The following LRP1B variants were observed in gnomAD, a reference collection of about 807,000 sequenced individuals.
LRP1B encodes low-density lipoprotein receptor-related protein 1B.
LRP1B carries 217 observed loss-of-function variants against 556.6 expected under a neutral mutation model. The ratio of observed to expected loss-of-function variants is 0.39; its 90% CI spans 0.35 to 0.44. LRP1B has a LOEUF of 0.44. Among genes scored for constraint, LRP1B ranks in the 20% least tolerant of loss-of-function variants. The probability of loss-of-function intolerance (pLI) is 1.00; values close to 1 mark genes in which losing one functional copy is unlikely to be tolerated. For synonymous variants in LRP1B, 2,047 were observed against 1,865.8 expected, an observed-to-expected ratio of 1.10 and a Z score of -2.50; for missense variants, 5,053 against 5,620.8, an observed-to-expected ratio of 0.90 and a Z score of 3.23.
At chr2:140,567,089 G>T (rs1574087084) in intron 43 of LRP1B, among the ~76,000 whole-genome samples, 1 of 152,054 alleles carries the variant, frequency 6.6e-6, no homozygotes, top group Non-Finnish European at 1.5e-5. Context: ...AAATGGCTAG[G>T]CTGAGACACC....
At chr2:140,968,417 C>G (rs934590227) in intron 18 of LRP1B, among the ~76,000 whole-genome samples, 5 of 150,870 alleles carry the variant, frequency 3.3e-5, no homozygotes, top group African/African-American at 9.8e-5. Context: ...TGATTCTTCT[C>G]TCTTTTCTTA....
chr2:141,513,631 A>G (rs1158290540), intron 2 of LRP1B, among the ~76,000 whole-genome samples: 1 of 152,152 alleles, frequency 6.6e-6, no homozygotes, highest in Non-Finnish European at 1.5e-5. Context: ...GTAGGTAATT[A>G]AAGAAGTAGA....
chr2:140,358,204 A>T (rs2105136046), intron 73 of LRP1B, 88 bp from the exon 74 acceptor site: 2 of 1,212,654 alleles, frequency 1.6e-6, no homozygotes, highest in East Asian at 4.7e-5. Flanking sequence ...TTTACTAACT[A>T]CTATGAAAAA....
chr2:140,485,563 C>T lies in LRP1B; in HGVS notation c.9244-39G>A, dbSNP rs188416264. On this transcript the variant is annotated intron_variant, in intron 58 of 90. Coordinates refer to ENST00000389484, the MANE Select transcript of LRP1B (RefSeq NM_018557.3). ...ATTTAAAAGGTTAACAGCGTAAATC[C>T]CTAAAATAAGAAGTGAGCAATTGCT... 258 of 1,486,400 alleles carry T rather than the reference C, an allele frequency of 1.7e-4. 1 individual carries two copies. The African/African-American group carries it at 3.2e-3, about 19-fold the overall frequency. The allele number at this position is 1,486,400 out of a possible 1,614,324, so 92.1% of individuals were successfully genotyped here. A position where few individuals can be genotyped will look rare whatever the true frequency, so the allele number is the denominator to read the frequency against.
chr2:140,988,299 G>T (rs946802652), intron 17 of LRP1B, among the ~76,000 whole-genome samples: 1 of 151,910 alleles, frequency 6.6e-6, no homozygotes, highest in Non-Finnish European at 1.5e-5. Context: ...AAAGTCTTTT[G>T]TAAAACAAAA....
chr2:141,704,450 C>T (rs1322371658), intron 2 of LRP1B, among the ~76,000 whole-genome samples: 1 of 151,888 alleles, frequency 6.6e-6, no homozygotes, highest in Non-Finnish European at 1.5e-5. Flanking sequence ...TTCAACGTAA[C>T]ATATAAAACC....
At chr2:140,511,401 ACGCCATTCT>A (rs1287465343) in intron 51 of LRP1B, among the ~76,000 whole-genome samples, 7 of 140,104 alleles carry the variant, frequency 5.0e-5, no homozygotes, top group Admixed American at 1.6e-4. Flanking sequence ...TCCCGGGTTC[ACGCCATTCT>A]CCCGCCTCAG....
chr2:140,742,531 C>A (rs955411665), intron 35 of LRP1B, among the ~76,000 whole-genome samples: 7 of 152,088 alleles, frequency 4.6e-5, no homozygotes, highest in Non-Finnish European at 8.8e-5. Context: ...TCAACTGCTA[C>A]ATTTATTATG....
At chr2:141,927,067 T>C (rs1700354125) in intron 1 of LRP1B, among the ~76,000 whole-genome samples, 3 of 152,116 alleles carry the variant, frequency 2.0e-5, no homozygotes, top group African/African-American at 7.2e-5. Context: ...ATAAACCTCT[T>C]AAAGGTAAGG....
chr2:140,981,345 T>C (rs1434323333), intron 18 of LRP1B, among the ~76,000 whole-genome samples: 2 of 152,148 alleles, frequency 1.3e-5, no homozygotes, highest in Non-Finnish European at 2.9e-5. Context: ...TGTATACTTA[T>C]TGTATTATAT....
chr2:140,372,931 C>G lies in LRP1B; in HGVS notation c.10768+77G>C, dbSNP rs570477823. ...CATATGACATATTTGCCACTGTTTT[C>G]TGCATATTGCTGCTTAAATTTAAAT... On this transcript the variant is annotated intron_variant, in intron 69 of 90. Coordinates refer to ENST00000389484, the MANE Select transcript of LRP1B (RefSeq NM_018557.3). The G allele has an allele frequency of 4.4e-4, 660 of 1,487,568 alleles. 5 individuals carry two copies. In the South Asian group the frequency reaches 7.0e-3, roughly 16 times the overall value. The allele number at this position is 1,487,568 out of a possible 1,614,324, so 92.1% of individuals were successfully genotyped here.
At chr2:141,185,273 G>T (rs1006471618) in intron 7 of LRP1B, among the ~76,000 whole-genome samples, 1 of 152,038 alleles carries the variant, frequency 6.6e-6, no homozygotes, top group Non-Finnish European at 1.5e-5. Flanking sequence ...GCCAGGATTT[G>T]ATCTCAGTAA....
chr2:140,769,218 T>A lies in LRP1B; in HGVS notation c.5753A>T (p.His1918Leu). 6.2e-7 allele frequency: 1 copy of A among 1,611,454 alleles called. No individual in the cohort carries two copies. Among genetic ancestry groups the A allele is most frequent in the Non-Finnish European group, 8.5e-7 (1 of 1,178,260 alleles). The part of the protein sequence containing the change: ...GTSFAVGIDF[H>L]AENDTIYWTD... The stretch of plus-strand genomic sequence containing the variant: ...ATGACTAAAAAGCTATTTACCTGCA[T>A]GGAAATCTATTCCCACGGCAAATGA... Residue 1918 changes from histidine to leucine, a missense_variant, in exon 35 of 91, where the codon CAT (histidine) becomes CTT (leucine). Physicochemically the swap from His to Leu is moderately conservative, Grantham distance 99. This residue lies in a region of LRP1B where 3,619 missense variants were observed against 3,931.9 expected (regional missense o/e 0.92). Coordinates refer to ENST00000389484, the MANE Select transcript of LRP1B (RefSeq NM_018557.3).
chr2:140,885,073 T>C (rs1444635063), intron 24 of LRP1B, among the ~76,000 whole-genome samples: 3 of 152,206 alleles, frequency 2.0e-5, no homozygotes, highest in Non-Finnish European at 2.9e-5. Flanking sequence ...GTTTGTAACA[T>C]TGCTACCACA....
At position 142,023,095 on chromosome 2, in the gene LRP1B, G is replaced by C. The variant is rs183051998; in HGVS notation, c.82+107553C>G. ...TATCTGAAGAATTATATCTGAATCAGTTGGGAATTGACTCTTGTTCTATAC... is the reference window on the plus strand; with the variant it reads ...TATCTGAAGAATTATATCTGAATCACTTGGGAATTGACTCTTGTTCTATAC... On this transcript the variant is annotated intron_variant, in intron 1 of 90. Transcript: ENST00000389484. Among the ~76,000 whole-genome samples, 8 of 152,298 alleles carry C rather than the reference G, an allele frequency of 5.3e-5. No homozygotes were observed. The East Asian group carries it at 1.4e-3, about 26-fold the overall frequency.
At chr2:140,240,032 A>G (rs1473912730) in intron 87 of LRP1B, among the ~76,000 whole-genome samples, 1 of 150,830 alleles carries the variant, frequency 6.6e-6, no homozygotes, top group East Asian at 2.0e-4. Flanking sequence ...ATTTGGATGG[A>G]ATCTTGGTGT....
At chr2:140,954,828 CTTG>C (rs1377647698) in intron 18 of LRP1B, among the ~76,000 whole-genome samples, 1 of 151,868 alleles carries the variant, frequency 6.6e-6, no homozygotes, top group Admixed American at 6.6e-5. Flanking sequence ...CATCATGTCT[CTTG>C]TTGTTAACCT....
At chr2:141,675,623 T>C (rs1690846088) in intron 2 of LRP1B, among the ~76,000 whole-genome samples, 1 of 151,576 alleles carries the variant, frequency 6.6e-6, no homozygotes, top group Non-Finnish European at 1.5e-5. Context: ...ACTTAAAAAT[T>C]CCTGACTCAT....
intron 31 of LRP1B, among the ~76,000 whole-genome samples, chr2:140,815,072 C>A (rs1691064608): frequency 6.6e-6 from 1 of 151,214 alleles, no homozygotes; most frequent in South Asian, 2.1e-4. Flanking sequence ...CTCAAGCACA[C>A]AATGCAACCA....
Sources: gnomAD v4.1 joint callset for allele counts (sites outside exome capture counted in the v4.1 genomes callset) on GRCh38, gnomAD v4.1.1 for gene constraint, gnomAD v4.1.1 regional missense constraint, MANE v1.5 for transcripts, NCBI Gene and HGNC (gene_info 2026-07-23, HGNC 2026-07-21) for gene names.